The following AATK variants were observed in gnomAD, a reference collection of about 807,000 sequenced individuals.
AATK encodes the protein serine/threonine-protein kinase LMTK1.
Under a neutral mutation model 114.3 loss-of-function variants are expected in AATK, and 91 were observed. The observed-to-expected ratio is 0.80, with a 90% CI of 0.67 to 0.95. AATK has a LOEUF of 0.95. Ranked by LOEUF, AATK falls within the 40% of genes least tolerant of loss-of-function variation. The pLI, the probability that AATK is intolerant of heterozygous loss-of-function variation, is 0.00. For synonymous variants in AATK, 1,075 were observed against 916.5 expected, an observed-to-expected ratio of 1.17 and a Z score of -3.12; for missense variants, 2,176 against 1,965.2, an observed-to-expected ratio of 1.11 and a Z score of -2.03.
At chr17:81,163,338 T>C (rs1183102189) in intron 1 of AATK, among the ~76,000 whole-genome samples, 1 of 152,028 alleles carries the variant, frequency 6.6e-6, no homozygotes, top group African/African-American at 2.4e-5. Flanking sequence ...GTAGAAGGGG[T>C]GACCTCTGCT....
At chr17:81,158,085 G>A (rs533974614) in intron 1 of AATK, among the ~76,000 whole-genome samples, 8 of 152,314 alleles carry the variant, frequency 5.3e-5, no homozygotes, top group East Asian at 1.9e-4. Context: ...CAGGGCGGCC[G>A]GGCGTCGCGG....
chr17:81,160,851 T>C (rs1323677382), intron 1 of AATK, among the ~76,000 whole-genome samples: 1 of 152,116 alleles, frequency 6.6e-6, no homozygotes, highest in African/African-American at 2.4e-5. Context: ...AACAGCGTGG[T>C]CCCAGGCTCA....
At position 81,129,229 on chromosome 17, in the gene AATK, G is replaced by C. The variant is rs904018637; in HGVS notation, c.335-680C>G. 6.6e-5 allele frequency among the ~76,000 whole-genome samples: 10 copies of C among 152,234 alleles called. 1 individual carries two copies. The highest frequency in any genetic ancestry group is 2.6e-4 in the Admixed American group (4 of 15,290). On this transcript the variant is annotated intron_variant, in intron 3 of 13. Transcript: ENST00000326724. ...GAGCCTGGCTGCCAGGAGAGCCCAG[G>C]GGGAGGGGGCTCCTTCCAGGGCCTG...
At chr17:81,144,389 AG>A (rs1369255636) in intron 1 of AATK, among the ~76,000 whole-genome samples, 17 of 152,222 alleles carry the variant, frequency 1.1e-4, no homozygotes, top group African/African-American at 2.9e-4. Flanking sequence ...ACCTGGGGCA[AG>A]GTAGCCAGGA....
In AATK at chr17:81,119,320, T is replaced by G. The variant is rs2060651420; in HGVS notation, c.4084+60A>C. ...GGACCTAGACGGAGGGGCCCCACCC[T>G]CGGAGCTCCGTGCCCTGCCTCCCGC... On this transcript the variant is annotated intron_variant, in intron 13 of 13. Coordinates refer to ENST00000326724, the MANE Select transcript of AATK (RefSeq NM_001080395.3). 37 of 1,483,064 alleles carry G rather than the reference T, an allele frequency of 2.5e-5. No individual in the cohort carries two copies. In the South Asian group the frequency reaches 4.3e-4, roughly 17 times the overall value. 91.9% of individuals were successfully genotyped at this position (1,483,064 alleles called of 1,614,324 possible).
chr17:81,162,124 C>T (rs1267246107), intron 1 of AATK, among the ~76,000 whole-genome samples: 2 of 152,124 alleles, frequency 1.3e-5, no homozygotes, highest in Non-Finnish European at 1.5e-5. Context: ...GTGCCCGCAC[C>T]CATGCTGGTA....
In AATK at chr17:81,120,270, G is replaced by C; in HGVS notation, c.3666C>G (p.Cys1222Trp). Residue 1222 changes from cysteine to tryptophan, a missense_variant, in exon 11 of 14, where the codon TGC becomes TGG. Cys to Trp is a radical substitution (Grantham distance 215). Around this residue, in one of 4 missense-constraint regions of AATK, gnomAD observed 1,701 missense variants for 1,394.7 expected, o/e 1.22. Coordinates refer to ENST00000326724, the MANE Select transcript of AATK (RefSeq NM_001080395.3). ...CCTTCTTCTTGCGTTCCAGGTCCTC[G>C]CAGAAGGTCTCGGACAGCAGGCTGG... ...KMPSLLSETF[C>W]EDLERKKKAV... is the part of the protein sequence containing the mutation. The C allele has an allele frequency of 6.2e-7, 1 of 1,603,480 alleles. No individual in the cohort carries two copies. Among genetic ancestry groups the C allele is most frequent in the Non-Finnish European group, 8.5e-7 (1 of 1,173,440 alleles).
chr17:81,153,349 G>A (rs1305072488), intron 1 of AATK, among the ~76,000 whole-genome samples: 3 of 152,190 alleles, frequency 2.0e-5, no homozygotes, highest in African/African-American at 7.2e-5. Flanking sequence ...AATTAGGTGT[G>A]ATCAAGGCTT....
chr17:81,162,242 G>A lies in AATK; in HGVS notation c.55+3696C>T, dbSNP rs539474695. Among the ~76,000 whole-genome samples the A allele has an allele frequency of 4.7e-4, 72 of 152,076 alleles. No individual in the cohort carries two copies. In the South Asian group the frequency reaches 0.015, roughly 31 times the overall value. On this transcript the variant is annotated intron_variant, in intron 1 of 13. Coordinates refer to ENST00000326724, the MANE Select transcript of AATK (RefSeq NM_001080395.3). Reference sequence around the variant, plus strand: ...GGACCCTCTCCAAGAACCCACCTCGGCCTGCACACCTGCAGCCTAAGGGTC... The same window carrying A: ...GGACCCTCTCCAAGAACCCACCTCGACCTGCACACCTGCAGCCTAAGGGTC...
At chr17:81,123,519 A>G (rs1468845789) in intron 9 of AATK, among the ~76,000 whole-genome samples, 176 bp from the exon 10 acceptor site, 3 of 152,222 alleles carry the variant, frequency 2.0e-5, no homozygotes, top group African/African-American at 7.2e-5. Flanking sequence ...TTCAGCAGGC[A>G]ATGTGCACCC....
chr17:81,119,989 G>C lies in AATK; in HGVS notation c.3830C>G (p.Pro1277Arg). ...LRGSPGSPSA[P>R]NRPQQADGSP... The stretch of plus-strand genomic sequence containing the variant: ...GCCATCAGCCTGCTGCGGCCGGTTG[G>C]GGGCGCTGGGAGAGCCGGGGCTCCC... The change falls in exon 12 of 14, where the codon CCC becomes CGC. Residue 1277 changes from proline (P) to arginine (R), a missense_variant. Coordinates refer to ENST00000326724, the MANE Select transcript of AATK (RefSeq NM_001080395.3). 2 of 1,447,402 alleles carry C rather than the reference G, an allele frequency of 1.4e-6. No individual in the cohort carries two copies. The highest frequency in any genetic ancestry group is 1.8e-6 in the Non-Finnish European group (2 of 1,099,878). The allele number at this position is 1,447,402 out of a possible 1,614,324, so 89.7% of individuals were successfully genotyped here.
At chr17:81,135,182 G>A (rs912959360) in intron 1 of AATK, among the ~76,000 whole-genome samples, 2 of 152,188 alleles carry the variant, frequency 1.3e-5, no homozygotes, top group South Asian at 2.1e-4. Context: ...CATCCCAGAG[G>A]GGAACTGACA....
intron 1 of AATK, among the ~76,000 whole-genome samples, chr17:81,156,089 T>C (rs1308752474): frequency 1.3e-5 from 2 of 150,866 alleles, no homozygotes; most frequent in African/African-American, 2.5e-5. Context: ...TTACAATGTA[T>C]GTTACAATGT....
chr17:81,165,863 G>A (rs539685472), intron 1 of AATK, 75 bp downstream of exon 1: 2 of 1,535,810 alleles, frequency 1.3e-6, no homozygotes, highest in African/African-American at 2.8e-5. Context: ...CAAACCGGGA[G>A]CCGTGGGGCC....
Position 81,122,642 on chromosome 17 carries a change from C to T in AATK, c.1294G>A (p.Gly432Arg). 6.9e-7 allele frequency: 1 copy of T among 1,457,062 alleles called. No homozygotes were observed. The highest frequency in any genetic ancestry group is 9.1e-7 in the Non-Finnish European group (1 of 1,100,280). 90.3% of individuals were successfully genotyped at this position (1,457,062 alleles called of 1,614,324 possible). Residue 432 changes from glycine to arginine, a missense_variant, in exon 11 of 14, where the codon GGG becomes AGG. Gly to Arg is a moderately radical substitution (Grantham distance 125). Around this residue, in one of 4 missense-constraint regions of AATK, gnomAD observed 1,701 missense variants for 1,394.7 expected, o/e 1.22. Coordinates refer to ENST00000326724, the MANE Select transcript of AATK (RefSeq NM_001080395.3). ...GGVGPGPGAA[G>R]PMLGGVVELA... is the part of the protein sequence containing the mutation. ...TCCACCACGCCGCCCAGCATGGGCC[C>T]CGCCGCACCGGGCCCGGGCCCCACG... is the stretch of plus-strand genomic sequence containing the variant.
In AATK at chr17:81,118,201, C is replaced by G. The variant is rs1478707405; in HGVS notation, c.*201G>C. On this transcript the variant is annotated 3_prime_UTR_variant, in exon 14 of 14. Transcript: ENST00000326724. Reference sequence around the variant, plus strand: ...CTAAAAGCCCAGACGAATTCTGCCTCTGGGGCGGAGCATGGCCGATCTACC... The same window carrying G: ...CTAAAAGCCCAGACGAATTCTGCCTGTGGGGCGGAGCATGGCCGATCTACC... The G allele has an allele frequency of 1.7e-6, 1 of 592,024 alleles. No individual in the cohort carries two copies. The highest frequency in any genetic ancestry group is 3.0e-6 in the Non-Finnish European group (1 of 336,102). The allele number at this position is 592,024 out of a possible 1,614,324, so 36.7% of individuals were successfully genotyped here.
Position 81,122,446 on chromosome 17 carries a change from C to T in AATK, c.1490G>A (p.Gly497Asp). ...AEAFPATLSP[G>D]RTARLQELCA... ...CAGCTCCTGCAGGCGTGCGGTGCGGCCAGGGCTCAGCGTGGCCGGGAAGGC... is the reference window on the plus strand; with the variant it reads ...CAGCTCCTGCAGGCGTGCGGTGCGGTCAGGGCTCAGCGTGGCCGGGAAGGC... The change falls in exon 11 of 14, where the codon GGC becomes GAC. Residue 497 changes from glycine (G) to aspartate (D), a missense_variant. Transcript: ENST00000326724. 3 of 1,456,334 alleles carry T rather than the reference C, an allele frequency of 2.1e-6. No homozygotes were observed. In the South Asian group the frequency reaches 3.8e-5, roughly 19 times the overall value. 90.2% of individuals were successfully genotyped at this position (1,456,334 alleles called of 1,614,324 possible).
Position 81,122,791 on chromosome 17 carries a change from G to A in AATK, c.1145C>T (p.Pro382Leu). Residue 382 changes from proline (P) to leucine (L), a missense_variant, in exon 11 of 14, where the codon CCC becomes CTC. Physicochemically the swap from Pro to Leu is moderately conservative, Grantham distance 98 (BLOSUM62 -3). Around this residue, in one of 4 missense-constraint regions of AATK, gnomAD observed 273 missense variants for 344.1 expected, o/e 0.79. Transcript: ENST00000326724. ...YEVMQFCWLQ[P>L]EQRPTAEEVH... Reference sequence around the variant, plus strand: ...CTCCTCGGCTGTGGGCCGCTGCTCGGGCTGCAGCCAGCAGAACTGCATCAC... The same window carrying A: ...CTCCTCGGCTGTGGGCCGCTGCTCGAGCTGCAGCCAGCAGAACTGCATCAC... 1.9e-6 allele frequency: 3 copies of A among 1,583,698 alleles called. No homozygotes were observed. Among genetic ancestry groups the A allele is most frequent in the Non-Finnish European group, 2.6e-6 (3 of 1,165,944 alleles).
Position 81,120,984 on chromosome 17 carries a change from A to G in AATK, c.2952T>C (p.Ser984=), listed in dbSNP as rs532128436. 6.3e-5 allele frequency: 101 copies of G among 1,610,478 alleles called. No individual in the cohort carries two copies. In the African/African-American group the frequency reaches 1.2e-3, roughly 20 times the overall value. The change falls in exon 11 of 14, where the codon AGT becomes AGC. Residue 984 remains serine, a synonymous_variant. Coordinates refer to ENST00000326724, the MANE Select transcript of AATK (RefSeq NM_001080395.3). The stretch of plus-strand genomic sequence containing the variant: ...GGTAGGGATTCTTCTCGTTGAGGCC[A>G]CTGAGGGAGGTGGAGAGCCGTGTCT... ...GPETRLSTSL[S]GLNEKNPYRD...
Sources: allele counts gnomAD v4.1 joint callset (sites outside exome capture counted in the v4.1 genomes callset), GRCh38; gene constraint gnomAD v4.1.1; regional missense constraint gnomAD v4.1.1; transcripts MANE v1.5; gene names NCBI Gene and HGNC (gene_info 2026-07-23, HGNC 2026-07-21).